The following SLC3A1 variants were observed in gnomAD, a reference collection of about 807,000 sequenced individuals.
The protein encoded by SLC3A1 is amino acid transporter heavy chain SLC3A1.
Under a neutral mutation model 60.3 loss-of-function variants are expected in SLC3A1, and 78 were observed. The observed-to-expected ratio is 1.29, with a 90% CI of 1.08 to 1.56. SLC3A1 has a LOEUF of 1.56. SLC3A1 is among the 40% of genes most tolerant of loss of function. The pLI is 0.00. For missense variants in SLC3A1, 1,172 were observed against 858.9 expected (o/e 1.36, Z -4.56); for synonymous variants, 392 against 307.9 (o/e 1.27, Z -2.86).
chr2:44,303,026 C>G (rs967689251), intron 6 of SLC3A1, among the ~76,000 whole-genome samples: 1 of 151,888 alleles, frequency 6.6e-6, no homozygotes, highest in Non-Finnish European at 1.5e-5. Flanking sequence ...TGGTGAAACC[C>G]TGTGTCTACT....
At chr2:44,295,375 C>G (rs1290612100) in intron 4 of SLC3A1, among the ~76,000 whole-genome samples, 2 of 152,158 alleles carry the variant, frequency 1.3e-5, no homozygotes, top group Middle Eastern at 3.2e-3. Flanking sequence ...GTCACTAGAC[C>G]TAGCTGACCC....
intron 9 of SLC3A1, chr2:44,318,950 T>G (rs1672682506): frequency 6.6e-6 from 1 of 152,156 alleles, no homozygotes; most frequent in Non-Finnish European, 1.5e-5. Flanking sequence ...AGAAAAAGAC[T>G]TCAACATACT....
At chr2:44,311,537 G>T (rs540601443) in intron 7 of SLC3A1, among the ~76,000 whole-genome samples, 2 of 152,020 alleles carry the variant, frequency 1.3e-5, no homozygotes, top group Non-Finnish European at 2.9e-5. Flanking sequence ...AGTGTTTGTT[G>T]TGCTCTATGT....
intron 4 of SLC3A1, 151 bp from the exon 5 acceptor site, chr2:44,299,820 A>C: frequency 1.2e-6 from 1 of 809,592 alleles, no homozygotes. Flanking sequence ...CAGTTATGCT[A>C]AATAGATAAA....
At chr2:44,282,465 G>A (rs987114260) in intron 3 of SLC3A1, among the ~76,000 whole-genome samples, 5 of 151,900 alleles carry the variant, frequency 3.3e-5, no homozygotes, top group Admixed American at 3.3e-4. Context: ...CATCAAGCCT[G>A]CCTGCCCCAT....
chr2:44,280,714 A>T lies in SLC3A1; in HGVS notation c.431-2A>T. On this transcript the variant is annotated splice_acceptor_variant, in intron 1 of 9. Coordinates refer to ENST00000260649, the MANE Select transcript of SLC3A1 (RefSeq NM_000341.4). LOFTEE classifies it high-confidence loss of function. Reference sequence around the variant, plus strand: ...ATTCATGACTTTGACTTTTTTCTTCAGGTATTCAAGATAAACTGGACTACA... The same window carrying T: ...ATTCATGACTTTGACTTTTTTCTTCTGGTATTCAAGATAAACTGGACTACA... 1 of 1,601,860 alleles carries T rather than the reference A, an allele frequency of 6.2e-7. No homozygotes were observed. The highest frequency in any genetic ancestry group is 8.6e-7 in the Non-Finnish European group (1 of 1,169,318).
In SLC3A1 at chr2:44,312,744, C is replaced by G. The variant is rs1672330546; in HGVS notation, c.1491C>G (p.Ser497Arg). 6.2e-7 allele frequency: 1 copy of G among 1,609,266 alleles called. No homozygotes were observed. Among genetic ancestry groups the G allele is most frequent in the Non-Finnish European group, 8.5e-7 (1 of 1,178,858 alleles). The part of the protein sequence containing the change: ...GNIVAANLNE[S>R]YDINTLRSKS... ...TTGTAGCCGCAAATCTCAATGAAAG[C>G]TATGATATTGTAAGTTGAATACAAC... The change falls in exon 8 of 10, where the codon AGC becomes AGG. Residue 497 changes from serine (S) to arginine (R), a missense_variant. Transcript: ENST00000260649.
chr2:44,287,380 A>T (rs1453206631), intron 4 of SLC3A1, among the ~76,000 whole-genome samples: 2 of 152,190 alleles, frequency 1.3e-5, no homozygotes, highest in Admixed American at 1.3e-4. Flanking sequence ...AAAGAAGAAC[A>T]AATGGAAAGG....
At chr2:44,319,995 C>G in intron 9 of SLC3A1, 1 of 572,386 alleles carries the variant, frequency 1.7e-6, no homozygotes, top group Non-Finnish European at 3.1e-6. Context: ...GACTCCCAGA[C>G]AAGCCGAAAC....
chr2:44,318,142 G>C (rs748672883), intron 9 of SLC3A1: 1 of 440,988 alleles, frequency 2.3e-6, no homozygotes, highest in Non-Finnish European at 4.5e-6. Flanking sequence ...CCATGCTCGA[G>C]TGCAGTGGCG....
At chr2:44,306,727 G>C (rs1449768936) in intron 7 of SLC3A1, among the ~76,000 whole-genome samples, 1 of 151,416 alleles carries the variant, frequency 6.6e-6, no homozygotes, top group Non-Finnish European at 1.5e-5. Flanking sequence ...CTAATTTTTT[G>C]TATTTTTAGT....
chr2:44,321,927 T>C, downstream of SLC3A1: 1 of 1,599,458 alleles, frequency 6.3e-7, no homozygotes, highest in Non-Finnish European at 8.5e-7. Flanking sequence ...GTAGAACAAT[T>C]AGAAGATTGT....
At chr2:44,309,258 C>G (rs564616980) in intron 7 of SLC3A1, among the ~76,000 whole-genome samples, 3 of 152,136 alleles carry the variant, frequency 2.0e-5, no homozygotes, top group African/African-American at 4.8e-5. Context: ...CTATTTTCAG[C>G]CTCTATAAAT....
rs553380099 is a variant in SLC3A1 at position 44,275,644 on chromosome 2, C to T, written c.109C>T (p.Pro37Ser). Reference protein sequence around the residue: ...NEDILEQTPDPGSSTDNLKHS... With the variant: ...NEDILEQTPDSGSSTDNLKHS... Reference sequence around the variant, plus strand: ...AGACATTCTGGAGCAGACCCCGGATCCAGGAAGCTCAACAGACAACCTGAA... The same window carrying T: ...AGACATTCTGGAGCAGACCCCGGATTCAGGAAGCTCAACAGACAACCTGAA... Residue 37 changes from proline (P) to serine (S), a missense_variant, in exon 1 of 10, where the codon CCA (proline) becomes TCA (serine). Physicochemically the swap from Pro to Ser is moderately conservative, Grantham distance 74. Transcript: ENST00000260649. 5.0e-6 allele frequency: 8 copies of T among 1,614,170 alleles called. No homozygotes were observed. In the Admixed American group the frequency reaches 1.0e-4, roughly 20 times the overall value.
chr2:44,303,847 T>C (rs1672081621), intron 6 of SLC3A1: 1 of 548,666 alleles, frequency 1.8e-6, no homozygotes. Context: ...TTTCTGTCCT[T>C]GTGATAGTTT....
At chr2:44,300,197 T>C in intron 5 of SLC3A1, 107 bp downstream of exon 5, 2 of 1,153,060 alleles carry the variant, frequency 1.7e-6, no homozygotes, top group Non-Finnish European at 1.3e-6. Context: ...TTTTGTCCTG[T>C]GTCTAGCAAG....
intron 3 of SLC3A1, chr2:44,285,787 G>T (rs923192045): frequency 6.2e-6 from 4 of 648,488 alleles, no homozygotes; most frequent in African/African-American, 3.6e-5. Flanking sequence ...GAGAACATTG[G>T]TTTGCTGTTG....
intron 3 of SLC3A1, among the ~76,000 whole-genome samples, chr2:44,284,279 C>T (rs1015993824): frequency 2.6e-5 from 4 of 152,052 alleles, no homozygotes; most frequent in African/African-American, 9.7e-5. Context: ...AGGGTTTCAC[C>T]ATATTGGCCA....
intron 9 of SLC3A1, chr2:44,318,380 C>T (rs1055413319): frequency 1.1e-5 from 2 of 178,460 alleles, no homozygotes; most frequent in African/African-American, 4.8e-5. Flanking sequence ...CCTGAGCCAC[C>T]TTGCCTGGCC....
Sources: gnomAD v4.1 joint callset for allele counts (sites outside exome capture counted in the v4.1 genomes callset) on GRCh38, gnomAD v4.1.1 for gene constraint, MANE v1.5 for transcripts, NCBI Gene and HGNC (gene_info 2026-07-23, HGNC 2026-07-21) for gene names.